The following TRANK1 variants were observed in gnomAD, a reference collection of about 807,000 sequenced individuals.
TRANK1 encodes the protein TPR and ankyrin repeat-containing protein 1.
A neutral mutation model predicts 266.0 loss-of-function variants in TRANK1; 198 were observed. That is an observed-to-expected ratio of 0.74 (90% CI 0.66 to 0.84). TRANK1 has a LOEUF of 0.84. TRANK1 is among the 40% of genes least tolerant of loss of function. TRANK1 has a pLI of 0.00. For synonymous variants in TRANK1, 1,396 were observed against 1,384.1 expected (o/e 1.01, Z -0.19); for missense variants, 3,326 against 3,634.6 (o/e 0.92, Z 2.18).
intron 9 of TRANK1, among the ~76,000 whole-genome samples, chr3:36,865,033 T>TG (rs1398070818): frequency 2.7e-5 from 4 of 145,734 alleles, no homozygotes; most frequent in African/African-American, 7.7e-5. Context: ...GGTTTTTTTT[T>TG]TTTTTTTTTT....
chr3:36,861,198 T>G (rs1211243226), intron 10 of TRANK1, 38 bp from the exon 11 acceptor site: 1 of 1,520,128 alleles, frequency 6.6e-7, no homozygotes, highest in Admixed American at 2.0e-5. Context: ...CCAAAAATGT[T>G]CATATGATTT....
chr3:36,899,087 A>T (rs1436512149), intron 4 of TRANK1, 22 bp downstream of exon 4: 1 of 1,535,904 alleles, frequency 6.5e-7, no homozygotes, highest in East Asian at 2.4e-5. Context: ...CTTTACAAAA[A>T]GTCTCCCCAG....
In TRANK1 at chr3:36,857,193, C is replaced by T. The variant is rs2125545452; in HGVS notation, c.2529G>A (p.Leu843=). 1.2e-6 allele frequency: 2 copies of T among 1,613,974 alleles called. No homozygotes were observed. Among genetic ancestry groups the T allele is most frequent in the Middle Eastern group, 3.3e-4 (2 of 6,062 alleles). ...TCATTACCTTACTAGACAGCTTCTT[C>T]AGCATTTCTGAAGTGCACTCGATCT... ...TWEIECTSEM[L]KKLSSKVMTK... is the part of the protein sequence containing the mutation. Residue 843 remains leucine, a synonymous_variant, in exon 13 of 24, where the codon CTG becomes CTA. Coordinates refer to ENST00000645898, the MANE Select transcript of TRANK1 (RefSeq NM_001329998.2). This position sits in a 1 kb window ranked among gnomAD's most constrained non-coding sequence, Gnocchi z 4.3.
At chr3:36,870,962 TAA>T (rs563787088) in intron 9 of TRANK1, among the ~76,000 whole-genome samples, 1,986 of 65,136 alleles carry the variant, frequency 0.03, 29 homozygotes, top group African/African-American at 0.1. Context: ...ACAAGGAAAC[TAA>T]AAAAAAAAAA....
At chr3:36,898,198 A>G (rs1178512979) in intron 4 of TRANK1, among the ~76,000 whole-genome samples, 1 of 152,242 alleles carries the variant, frequency 6.6e-6, no homozygotes, top group Non-Finnish European at 1.5e-5. Flanking sequence ...TACGCCTGTA[A>G]TCTCAGCACT....
intron 1 of TRANK1, among the ~76,000 whole-genome samples, chr3:36,923,721 T>C (rs2080249968): frequency 6.6e-6 from 1 of 152,078 alleles, no homozygotes; most frequent in African/African-American, 2.4e-5. Flanking sequence ...GAATAGCCTC[T>C]AAGCATGGAG....
intron 8 of TRANK1, among the ~76,000 whole-genome samples, chr3:36,883,228 C>A (rs1299416175): frequency 6.6e-6 from 1 of 151,824 alleles, no homozygotes; most frequent in Non-Finnish European, 1.5e-5. Flanking sequence ...ATCACTTGAG[C>A]CCAGGAGTTT....
intron 7 of TRANK1, 80 bp downstream of exon 7, chr3:36,892,122 A>G: frequency 1.4e-6 from 2 of 1,444,446 alleles, no homozygotes; most frequent in East Asian, 5.1e-5. Flanking sequence ...GCTTAATTCT[A>G]GTTTCACTTG....
chr3:36,846,972 TCTC>T (rs774329713), intron 16 of TRANK1, among the ~76,000 whole-genome samples: 2 of 151,966 alleles, frequency 1.3e-5, no homozygotes, highest in Non-Finnish European at 2.9e-5. Context: ...GGACAACCCT[TCTC>T]CTTCCGTTTT....
In TRANK1 at chr3:36,847,270, A is replaced by G. The variant is rs1313771242; in HGVS notation, c.4964T>C (p.Val1655Ala). ...TDSREENRPL[V>A]EVPLDKPGSS... is the part of the protein sequence containing the mutation. ...GCCTGGTTTGTCCAGGGGTACTTCA[A>G]CCAATGGCCGGTTTTCCTCTCTGGA... The change falls in exon 16 of 24, where the codon GTT (valine) becomes GCT (alanine). Residue 1655 changes from valine (V) to alanine (A), a missense_variant. Physicochemically the swap from Val to Ala is moderately conservative, Grantham distance 64. Coordinates refer to ENST00000645898, the MANE Select transcript of TRANK1 (RefSeq NM_001329998.2). The G allele has an allele frequency of 6.2e-7, 1 of 1,613,676 alleles. No homozygotes were observed. The highest frequency in any genetic ancestry group is 1.7e-5 in the Admixed American group (1 of 59,970).
Position 36,832,648 on chromosome 3 carries a change from T to A in TRANK1, c.6935A>T (p.His2312Leu), listed in dbSNP as rs1457013277. Residue 2312 changes from histidine (H) to leucine (L), a missense_variant, in exon 22 of 24, where the codon CAC becomes CTC. Transcript: ENST00000645898. ...FYRFALKEYI[H>L]FLFENESARN... The stretch of plus-strand genomic sequence containing the variant: ...TGCGCTTTCATTTTCAAACAGAAAG[T>A]GGATGTACTCCTTCAAAGCAAATCT... The A allele has an allele frequency of 9.9e-6, 16 of 1,613,990 alleles. No homozygotes were observed. Among genetic ancestry groups the A allele is most frequent in the East Asian group, 2.2e-5 (1 of 44,880 alleles).
In TRANK1 at chr3:36,852,357, C is replaced by T. The variant is rs1375578386; in HGVS notation, c.4550-12G>A. The T allele has an allele frequency of 6.5e-7, 1 of 1,549,026 alleles. No individual in the cohort carries two copies. The highest frequency in any genetic ancestry group is 1.2e-5 in the South Asian group (1 of 80,656). ...CAGATTGAGGATTCCTGGAATGAAACAGAAAACCCAAGTTGGATAATTAAC... is the reference window on the plus strand; with the variant it reads ...CAGATTGAGGATTCCTGGAATGAAATAGAAAACCCAAGTTGGATAATTAAC... On this transcript the variant is annotated splice_polypyrimidine_tract_variant and intron_variant, in intron 13 of 23. Transcript: ENST00000645898.
chr3:36,828,524 C>T, intron 23 of TRANK1, 149 bp from the exon 24 acceptor site: 1 of 624,044 alleles, frequency 1.6e-6, no homozygotes, highest in Non-Finnish European at 2.8e-6. Context: ...TCCCAATCCA[C>T]TGTAAAATAT....
At chr3:36,912,841 T>G (rs2080071560) in intron 1 of TRANK1, among the ~76,000 whole-genome samples, 1 of 151,932 alleles carries the variant, frequency 6.6e-6, no homozygotes, top group Non-Finnish European at 1.5e-5. Context: ...ATCTGGGTAC[T>G]GCTTGAATTC....
intron 1 of TRANK1, among the ~76,000 whole-genome samples, chr3:36,918,468 GAAGAAAGAAAGAAAGAAAGA>G (rs148120910): frequency 0.013 from 403 of 31,138 alleles, 23 homozygotes; most frequent in Middle Eastern, 0.034. Flanking sequence ...AGAAAGAAAA[GAAGAAAGAAAGAAAGAAAGA>G]AAGAAAGAAA....
intron 10 of TRANK1, among the ~76,000 whole-genome samples, chr3:36,862,452 G>A (rs1227870561): frequency 1.3e-5 from 2 of 152,152 alleles, no homozygotes; most frequent in Admixed American, 6.5e-5. Context: ...GAATAAAAGT[G>A]TAAAAGGCAA....
rs369797057 is a variant in TRANK1 at position 36,909,470 on chromosome 3, G to GAAGA, written c.24-1020_24-1017dup. On this transcript the variant is annotated intron_variant, in intron 1 of 23. Coordinates refer to ENST00000645898, the MANE Select transcript of TRANK1 (RefSeq NM_001329998.2). ...AGACAGGGAAAAGGTGGGGGTCAGA[G>GAAGA]AAGAGGTCCTTTAGTATTGCTTCCT... Among the ~76,000 whole-genome samples the GAAGA allele has an allele frequency of 2.0e-3, 298 of 152,308 alleles. 1 individual carries two copies. The highest frequency in any genetic ancestry group is 6.9e-3 in the African/African-American group (287 of 41,556).
rs2125547183 is a variant in TRANK1, at chr3:36,857,915, T to C, written c.1807A>G (p.Met603Val). ...AACAGCTTCTTCACGCGCTTTAGCA[T>C]GCCCTTCTGGAAGAGGATGTGCATC... ...TLMHILFQKG[M>V]LKRVKKLLDL... Residue 603 changes from methionine (M) to valine (V), a missense_variant, in exon 13 of 24, where the codon ATG becomes GTG. Physicochemically the swap from Met to Val is conservative, Grantham distance 21. Coordinates refer to ENST00000645898, the MANE Select transcript of TRANK1 (RefSeq NM_001329998.2). This position sits in a 1 kb window ranked among gnomAD's most constrained non-coding sequence, Gnocchi z 4.3. 3.1e-6 allele frequency: 5 copies of C among 1,608,406 alleles called. No homozygotes were observed. Among genetic ancestry groups the C allele is most frequent in the Non-Finnish European group, 4.2e-6 (5 of 1,179,874 alleles).
At chr3:36,874,840 T>G (rs1189758635) in intron 8 of TRANK1, among the ~76,000 whole-genome samples, 1 of 152,014 alleles carries the variant, frequency 6.6e-6, no homozygotes, top group Non-Finnish European at 1.5e-5. Context: ...ATGTCTGTGG[T>G]CACAGATGCA....
Sources: allele counts gnomAD v4.1 joint callset (sites outside exome capture counted in the v4.1 genomes callset), GRCh38; gene constraint gnomAD v4.1.1; non-coding constraint Gnocchi (gnomAD v3.1); transcripts MANE v1.5; gene names NCBI Gene and HGNC (gene_info 2026-07-23, HGNC 2026-07-21).